RBAK: variants seen among roughly 807,000 people sequenced by gnomAD.
RBAK encodes the protein RB associated KRAB zinc finger, also known as RB-associated KRAB zinc finger protein.
RBAK carries 39 observed loss-of-function variants against 65.8 expected under a neutral mutation model. The observed-to-expected ratio is 0.59, with a 90% CI of 0.46 to 0.77. RBAK has a LOEUF of 0.77. Among genes scored for constraint, RBAK ranks in the 30% least tolerant of loss-of-function variants. The pLI is 0.00. For missense variants in RBAK, 884 were observed against 855.1 expected, an observed-to-expected ratio of 1.03 and a Z score of -0.42; for synonymous variants, 343 against 289.7, an observed-to-expected ratio of 1.18 and a Z score of -1.87.
chr7:5,048,059 T>C lies in RBAK; in HGVS notation c.-18T>C, dbSNP rs749133718. On this transcript the variant is annotated 5_prime_UTR_variant, in exon 2 of 5. Transcript: ENST00000396912. The surrounding 1 kb of genome is among the most constrained non-coding windows in gnomAD (Gnocchi z 4.4). ...TCTACCAGCCACAGTCTCTGCACGT[T>C]TCCAAGAGCAGCAGAAAATGAACAC... 138 of 1,595,380 alleles carry C rather than the reference T, an allele frequency of 8.6e-5. No individual in the cohort carries two copies. The highest frequency in any genetic ancestry group is 1.1e-4 in the Non-Finnish European group (127 of 1,171,744).
At position 5,063,748 on chromosome 7, in the gene RBAK, CATTCAAGGCAAGCTGCTTGTATCA is replaced by C. The variant is rs1562539782; in HGVS notation, c.295_318del (p.Arg100_Ser107del). 6.2e-7 allele frequency: 1 copy of C among 1,613,064 alleles called. No homozygotes were observed. ...GAGAATCCAAGAAAACGAAGACAAA[CATTCAAGGCAAGCTGCTTGTATCA>C]ATAGCAAAACCCTGACTGAAGAGAA... On this transcript the variant is annotated inframe_deletion, in exon 5 of 5. Transcript: ENST00000396912.
chr7:5,049,309 A>G (rs1788064537), intron 2 of RBAK, among the ~76,000 whole-genome samples: 1 of 152,208 alleles, frequency 6.6e-6, no homozygotes, highest in Non-Finnish European at 1.5e-5. Context: ...CCCAGTAGAC[A>G]GAATTCTGTT....
At chr7:5,050,798 T>C (rs1788100017) in intron 2 of RBAK, among the ~76,000 whole-genome samples, 1 of 152,174 alleles carries the variant, frequency 6.6e-6, no homozygotes, top group Non-Finnish European at 1.5e-5. Flanking sequence ...GGTCTTGAAC[T>C]CCTGGGCTCA....
chr7:5,062,887 G>A (rs1341942536), intron 4 of RBAK, among the ~76,000 whole-genome samples: 1 of 152,228 alleles, frequency 6.6e-6, no homozygotes, highest in African/African-American at 2.4e-5. Flanking sequence ...GGCAGTCAGA[G>A]TTTAAGGTTA....
chr7:5,060,211 A>T (rs187706767), intron 4 of RBAK, among the ~76,000 whole-genome samples: 2 of 152,202 alleles, frequency 1.3e-5, no homozygotes, highest in Non-Finnish European at 2.9e-5. Context: ...GTAGGCATTC[A>T]GTAGGTTTTT....
intron 2 of RBAK, 147 bp from the exon 3 acceptor site, chr7:5,057,148 T>G: frequency 1.8e-6 from 2 of 1,085,870 alleles, no homozygotes; most frequent in Non-Finnish European, 2.6e-6. Flanking sequence ...AAAGGATATG[T>G]GTTTCCAATA....
At chr7:5,060,382 G>C (rs1481023913) in intron 4 of RBAK, among the ~76,000 whole-genome samples, 2 of 152,162 alleles carry the variant, frequency 1.3e-5, no homozygotes, top group East Asian at 1.9e-4. Flanking sequence ...TATTCAGAGA[G>C]ATTCAAAGAA....
At chr7:5,054,345 C>T (rs1046530944) in intron 2 of RBAK, among the ~76,000 whole-genome samples, 2 of 148,748 alleles carry the variant, frequency 1.3e-5, no homozygotes, top group African/African-American at 5.0e-5. Context: ...ACGGAGGTTG[C>T]AGTGAGCCAA....
intron 4 of RBAK, among the ~76,000 whole-genome samples, chr7:5,060,709 CAGA>C (rs1206810266): frequency 6.6e-6 from 1 of 152,196 alleles, no homozygotes; most frequent in African/African-American, 2.4e-5. Context: ...CTTCCAGGAG[CAGA>C]AGATGTTGAC....
Position 5,057,393 on chromosome 7 carries a change from G to A in RBAK, c.114G>A (p.Leu38=). 6.2e-7 allele frequency: 1 copy of A among 1,614,054 alleles called. No individual in the cohort carries two copies. The highest frequency in any genetic ancestry group is 8.5e-7 in the Non-Finnish European group (1 of 1,180,002). ...DEKITYRDVM[L]ENYSHLVSVG... Reference sequence around the variant, plus strand: ...AGATAACTTACAGGGATGTGATGTTGGAGAACTATAGCCATCTAGTTTCTG... The same window carrying A: ...AGATAACTTACAGGGATGTGATGTTAGAGAACTATAGCCATCTAGTTTCTG... The change falls in exon 3 of 5, where the codon TTG becomes TTA. Residue 38 remains leucine, a synonymous_variant. Transcript: ENST00000396912.
intron 2 of RBAK, among the ~76,000 whole-genome samples, chr7:5,055,015 C>T (rs1399302410): frequency 3.3e-5 from 5 of 151,974 alleles, no homozygotes; most frequent in Non-Finnish European, 5.9e-5. Flanking sequence ...CTCCTGACCT[C>T]GGGTGATCTG....
rs1194186645 is a variant in RBAK, at chr7:5,063,844, T to G, written c.388T>G (p.Ser130Ala). ...QIYMETSLVP[S>A]SIIAHNCVSC... ...TTACATGGAAACAAGCCTTGTTCCT[T>G]CAAGCATAATAGCTCATAATTGTGT... Residue 130 changes from serine (S) to alanine (A), a missense_variant, in exon 5 of 5, where the codon TCA (serine) becomes GCA (alanine). Physicochemically the swap from Ser to Ala is moderately conservative, Grantham distance 99. Coordinates refer to ENST00000396912, the MANE Select transcript of RBAK (RefSeq NM_021163.4). The G allele has an allele frequency of 6.2e-7, 1 of 1,614,072 alleles. No individual in the cohort carries two copies. Among genetic ancestry groups the G allele is most frequent in the Admixed American group, 1.7e-5 (1 of 60,008 alleles).
In RBAK at chr7:5,047,601, C is replaced by CTTTTTT. The variant is rs1037439035; in HGVS notation, c.-44-411_-44-406dup. Reference sequence around the variant, plus strand: ...TTCGCCTATCACTCTTTTTCACTCTCTTTTTTTTTTTTTTTTTTTTTTTTT... The same window carrying CTTTTTT: ...TTCGCCTATCACTCTTTTTCACTCTCTTTTTTTTTTTTTTTTTTTTTTTTTTTTTTT... On this transcript the variant is annotated intron_variant, in intron 1 of 4. Coordinates refer to ENST00000396912, the MANE Select transcript of RBAK (RefSeq NM_021163.4). Among the ~76,000 whole-genome samples, 8 of 100,908 alleles carry CTTTTTT rather than the reference C, an allele frequency of 7.9e-5. 1 individual carries two copies. The highest frequency in any genetic ancestry group is 1.4e-4 in the Non-Finnish European group (7 of 50,052). 66.2% of individuals were successfully genotyped at this position (100,908 alleles called of 152,430 possible).
rs11972260 is a variant in RBAK, at chr7:5,048,784, T to G, written c.15+693T>G. ...TCATAGGAAGCATGGCTGGGGAGGC[T>G]TCAGGAAACTTACAGTCATGGTGGA... On this transcript the variant is annotated intron_variant, in intron 2 of 4. Coordinates refer to ENST00000396912, the MANE Select transcript of RBAK (RefSeq NM_021163.4). The surrounding 1 kb of genome is among the most constrained non-coding windows in gnomAD (Gnocchi z 4.4). Among the ~76,000 whole-genome samples the G allele has an allele frequency of 3.2e-4, 49 of 152,132 alleles. No homozygotes were observed. The highest frequency in any genetic ancestry group is 3.0e-3 in the Admixed American group (46 of 15,294).
rs1218487885 is a variant in RBAK at position 5,066,042 on chromosome 7, A to G, written c.*441A>G. 6.5e-6 allele frequency: 1 copy of G among 152,956 alleles called. No homozygotes were observed. The highest frequency in any genetic ancestry group is 2.4e-5 in the African/African-American group (1 of 41,460). The allele number at this position is 152,956 out of a possible 1,614,324, so 9.5% of individuals were successfully genotyped here. A position where few individuals can be genotyped will look rare whatever the true frequency, so the allele number is the denominator to read the frequency against. ...CTCTGAATAAATCTTCATTGTATAA[A>G]ATGAAGTTTTTAAATTGTCAGGAGT... is the stretch of plus-strand genomic sequence containing the variant. On this transcript the variant is annotated 3_prime_UTR_variant, in exon 5 of 5. Transcript: ENST00000396912.
At position 5,064,123 on chromosome 7, in the gene RBAK, C is replaced by G. The variant is rs753740667; in HGVS notation, c.667C>G (p.His223Asp). Residue 223 changes from histidine to aspartate, a missense_variant, in exon 5 of 5, where the codon CAT (histidine) becomes GAT (aspartate). Physicochemically the swap from His to Asp is moderately conservative, Grantham distance 81. Coordinates refer to ENST00000396912, the MANE Select transcript of RBAK (RefSeq NM_021163.4). This position sits in a 1 kb window ranked among gnomAD's most constrained non-coding sequence, Gnocchi z 6.3. ...ALDNEAVFIA[H>D]KRAYIGEKPY... Reference sequence around the variant, plus strand: ...AGACAATGAGGCTGTTTTTATTGCTCATAAGAGAGCTTACATAGGGGAGAA... The same window carrying G: ...AGACAATGAGGCTGTTTTTATTGCTGATAAGAGAGCTTACATAGGGGAGAA... The G allele has an allele frequency of 5.6e-6, 9 of 1,613,880 alleles. 1 individual carries two copies. In the South Asian group the frequency reaches 8.8e-5, roughly 16 times the overall value.
At position 5,064,335 on chromosome 7, in the gene RBAK, ATG is replaced by A; in HGVS notation, c.882_883del (p.Cys294TrpfsTer24). 1.2e-6 allele frequency: 2 copies of A among 1,614,148 alleles called. No homozygotes were observed. Among genetic ancestry groups the A allele is most frequent in the Non-Finnish European group, 1.7e-6 (2 of 1,180,002 alleles). On this transcript the variant is annotated frameshift_variant, in exon 5 of 5. Coordinates refer to ENST00000396912, the MANE Select transcript of RBAK (RefSeq NM_021163.4). LOFTEE classifies it high-confidence loss of function. The surrounding 1 kb of genome is among the most constrained non-coding windows in gnomAD (Gnocchi z 6.3). Reference protein sequence around the residue: ...TGEKPYECNVCGKSFSQKGTL... With the variant: ...TGEKPYECNVXGKSFSQKGTL... ...GAGAGAAACCTTATGAATGTAATGT[ATG>A]TGGGAAATCCTTCAGCCAAAAGGGA...
intron 4 of RBAK, among the ~76,000 whole-genome samples, chr7:5,060,639 T>TGAATGAG (rs1779047627): frequency 6.6e-6 from 1 of 152,200 alleles, no homozygotes. Flanking sequence ...GGAGTCAAAT[T>TGAATGAG]GAATGAGGAA....
rs1779295934 is a variant in RBAK at position 5,069,219 on chromosome 7, T to C, written c.*3618T>C. 6.6e-6 allele frequency: 1 copy of C among 152,218 alleles called. No individual in the cohort carries two copies. Among genetic ancestry groups the C allele is most frequent in the African/African-American group, 2.4e-5 (1 of 41,454 alleles). The allele number at this position is 152,218 out of a possible 1,614,324, so 9.4% of individuals were successfully genotyped here. ...CACTCTAATCATATTTTTCTAGATG[T>C]GTATGAATATGCTGCACAACAGGAA... On this transcript the variant is annotated 3_prime_UTR_variant, in exon 5 of 5. Coordinates refer to ENST00000396912, the MANE Select transcript of RBAK (RefSeq NM_021163.4).
Sources: allele counts gnomAD v4.1 joint callset (sites outside exome capture counted in the v4.1 genomes callset), GRCh38; gene constraint gnomAD v4.1.1; non-coding constraint Gnocchi (gnomAD v3.1); transcripts MANE v1.5; gene names NCBI Gene and HGNC (gene_info 2026-07-23, HGNC 2026-07-21).